RAB43: variants seen among roughly 807,000 people sequenced by gnomAD.
RAB43 encodes the protein ras-related protein Rab-43.
Under a neutral mutation model 18.8 loss-of-function variants are expected in RAB43, and 6 were observed. That is an observed-to-expected ratio of 0.32 (90% CI 0.17 to 0.63). The LOEUF is 0.63. Among genes scored for constraint, RAB43 ranks in the 30% least tolerant of loss-of-function variants. RAB43 has a pLI of 0.79. For missense variants in RAB43, 195 were observed against 289.1 expected (o/e 0.67, Z 2.36); for synonymous variants, 103 against 124.1 (o/e 0.83, Z 1.13).
rs544615996 is a variant in RAB43, at chr3:129,110,462, A to T, written c.204+10824T>A. 2.6e-5 allele frequency among the ~76,000 whole-genome samples: 4 copies of T among 152,348 alleles called. No homozygotes were observed. In the South Asian group the frequency reaches 8.3e-4, roughly 32 times the overall value. ...CTGAGGGTGGAAGGAAGCAAACAGT[A>T]ACAAACAAGTGAAGTATGACTTGGG... On this transcript the variant is annotated intron_variant, in intron 1 of 2. Transcript: ENST00000315150.
At chr3:129,117,278 G>A (rs1396030572) in intron 1 of RAB43, among the ~76,000 whole-genome samples, 1 of 152,188 alleles carries the variant, frequency 6.6e-6, no homozygotes, top group Non-Finnish European at 1.5e-5. Flanking sequence ...AAGAGGCAGA[G>A]CAAAGACCAT....
intron 1 of RAB43, among the ~76,000 whole-genome samples, chr3:129,103,454 C>T (rs1934560502): frequency 6.6e-6 from 1 of 152,192 alleles, no homozygotes; most frequent in African/African-American, 2.4e-5. Context: ...GCCTGCTGGC[C>T]ATTCCTGGAG....
chr3:129,097,547 TA>T (rs1934140844), intron 1 of RAB43, among the ~76,000 whole-genome samples: 1 of 152,060 alleles, frequency 6.6e-6, no homozygotes, highest in African/African-American at 2.4e-5. Context: ...TTCCTCTACC[TA>T]AAGAAATCAA....
In RAB43 at chr3:129,121,571, C is replaced by T. The variant is rs1202943143; in HGVS notation, c.-82G>A. On this transcript the variant is annotated 5_prime_UTR_variant, in exon 1 of 3. Coordinates refer to ENST00000315150, the MANE Select transcript of RAB43 (RefSeq NM_198490.3). The stretch of plus-strand genomic sequence containing the variant: ...CGCAAGCCGCGGGCCGAGCTCCGCC[C>T]GCTCCAGCCCACGGGCCGCCTGGCT... The T allele has an allele frequency of 1.6e-6, 2 of 1,232,660 alleles. No homozygotes were observed. The highest frequency in any genetic ancestry group is 1.6e-5 in the African/African-American group (1 of 63,380). The allele number at this position is 1,232,660 out of a possible 1,614,324, so 76.4% of individuals were successfully genotyped here. A position where few individuals can be genotyped will look rare whatever the true frequency, so the allele number is the denominator to read the frequency against.
Position 129,107,074 on chromosome 3 carries a change from C to G in RAB43, c.205-11905G>C, listed in dbSNP as rs930449031. Reference sequence around the variant, plus strand: ...CCAGGAAGGCAGAGTTCTGTGGGCACCTGGCACTGTCTGTCAGTGCTCCCT... The same window carrying G: ...CCAGGAAGGCAGAGTTCTGTGGGCAGCTGGCACTGTCTGTCAGTGCTCCCT... On this transcript the variant is annotated intron_variant, in intron 1 of 2. Transcript: ENST00000315150. This position sits in a 1 kb window ranked among gnomAD's most constrained non-coding sequence, Gnocchi z 4.2. 7.9e-5 allele frequency among the ~76,000 whole-genome samples: 12 copies of G among 152,208 alleles called. No homozygotes were observed. Among genetic ancestry groups the G allele is most frequent in the Non-Finnish European group, 4.4e-5 (3 of 68,032 alleles).
intron 1 of RAB43, among the ~76,000 whole-genome samples, chr3:129,120,160 A>G (rs1935814393): frequency 6.6e-6 from 1 of 152,224 alleles, no homozygotes; most frequent in African/African-American, 2.4e-5. Context: ...CACTGTGGAC[A>G]CATAAAGACT....
intron 1 of RAB43, among the ~76,000 whole-genome samples, chr3:129,110,962 AG>A (rs1038436038): frequency 2.0e-5 from 3 of 151,816 alleles, no homozygotes; most frequent in Non-Finnish European, 4.4e-5. Flanking sequence ...AAGATAATTC[AG>A]GGAAAGCAAA....
At chr3:129,105,407 C>T (rs1384456154) in intron 1 of RAB43, among the ~76,000 whole-genome samples, 3 of 151,994 alleles carry the variant, frequency 2.0e-5, no homozygotes, top group Non-Finnish European at 2.9e-5. Flanking sequence ...GAGCCGAGAT[C>T]GTGCCACTGC....
intron 1 of RAB43, among the ~76,000 whole-genome samples, chr3:129,114,720 G>C (rs1935410792): frequency 6.6e-6 from 1 of 152,166 alleles, no homozygotes. Context: ...AGGAAAGCAA[G>C]GAAAGCAGAC....
At chr3:129,115,562 G>A (rs557133867) in intron 1 of RAB43, among the ~76,000 whole-genome samples, 22 of 152,218 alleles carry the variant, frequency 1.4e-4, no homozygotes, top group East Asian at 1.4e-3. Context: ...GCTCACACCT[G>A]TAATCACAGC....
In RAB43 at chr3:129,107,903, A is replaced by C. The variant is rs1280513295; in HGVS notation, c.205-12734T>G. Among the ~76,000 whole-genome samples the C allele has an allele frequency of 6.6e-6, 1 of 152,098 alleles. No individual in the cohort carries two copies. The highest frequency in any genetic ancestry group is 3.4e-3 in the Middle Eastern group (1 of 294). ...CTCCAAGCCACTCGGTCACCTCTTC[A>C]ACTCTCTAGAGCAAACCCTCCTCCC... is the stretch of plus-strand genomic sequence containing the variant. On this transcript the variant is annotated intron_variant, in intron 1 of 2. Transcript: ENST00000315150. This position sits in a 1 kb window ranked among gnomAD's most constrained non-coding sequence, Gnocchi z 4.2.
chr3:129,097,966 G>A (rs958963078), intron 1 of RAB43, among the ~76,000 whole-genome samples: 57 of 152,256 alleles, frequency 3.7e-4, no homozygotes, highest in African/African-American at 1.3e-3. Context: ...ACTGAGCTAA[G>A]GAGGCAGAGA....
intron 1 of RAB43, among the ~76,000 whole-genome samples, chr3:129,118,908 C>T (rs926026430): frequency 1.3e-5 from 2 of 152,172 alleles, no homozygotes; most frequent in African/African-American, 2.4e-5. Context: ...TTCATCAAGG[C>T]TTTCAGTTAA....
At chr3:129,101,656 C>A (rs1313629230) in intron 1 of RAB43, among the ~76,000 whole-genome samples, 1 of 152,218 alleles carries the variant, frequency 6.6e-6, no homozygotes, top group Non-Finnish European at 1.5e-5. Context: ...GAATGCTTAC[C>A]GTGTTAGAGA....
intron 1 of RAB43, among the ~76,000 whole-genome samples, chr3:129,102,271 C>T (rs1187804875): frequency 6.6e-6 from 1 of 152,180 alleles, no homozygotes; most frequent in Non-Finnish European, 1.5e-5. Flanking sequence ...AGCATGTGAG[C>T]CCTTCTCTCT....
intron 1 of RAB43, among the ~76,000 whole-genome samples, chr3:129,103,810 C>G (rs933848880): frequency 2.0e-5 from 3 of 152,180 alleles, no homozygotes; most frequent in Non-Finnish European, 4.4e-5. Context: ...GGTGATCTGC[C>G]CGCTTTGGCC....
Position 129,117,576 on chromosome 3 carries a change from C to T in RAB43, c.204+3710G>A, listed in dbSNP as rs557508631. Among the ~76,000 whole-genome samples the T allele has an allele frequency of 3.3e-5, 5 of 152,232 alleles. No individual in the cohort carries two copies. In the South Asian group the frequency reaches 1.0e-3, roughly 31 times the overall value. On this transcript the variant is annotated intron_variant, in intron 1 of 2. Coordinates refer to ENST00000315150, the MANE Select transcript of RAB43 (RefSeq NM_198490.3). ...TCTCTGAGCCGTTTGGGTATATCTA[C>T]ACGTTTTGGTTAATAATAAACCAAA...
chr3:129,120,089 A>G (rs555116581), intron 1 of RAB43, among the ~76,000 whole-genome samples: 17 of 152,304 alleles, frequency 1.1e-4, no homozygotes, highest in Middle Eastern at 3.4e-3. Flanking sequence ...CGATTAAAAT[A>G]TAATAATAAT....
intron 1 of RAB43, among the ~76,000 whole-genome samples, chr3:129,120,896 T>G (rs1935861689): frequency 6.6e-6 from 1 of 152,154 alleles, no homozygotes; most frequent in Non-Finnish European, 1.5e-5. Flanking sequence ...GGGGCTGCCA[T>G]CGCGGTGGAT....
Sources: allele counts gnomAD v4.1 joint callset (sites outside exome capture counted in the v4.1 genomes callset), GRCh38; gene constraint gnomAD v4.1.1; non-coding constraint Gnocchi (gnomAD v3.1); transcripts MANE v1.5; gene names NCBI Gene and HGNC (gene_info 2026-07-23, HGNC 2026-07-21).